The following INPP4B variants were observed in gnomAD, a reference collection of about 807,000 sequenced individuals.
The protein encoded by INPP4B is inositol polyphosphate 4-phosphatase type II.
INPP4B carries 55 observed loss-of-function variants against 122.5 expected under a neutral mutation model. That is an observed-to-expected ratio of 0.45 (90% CI 0.36 to 0.56). The LOEUF is 0.56. INPP4B is among the 20% of genes least tolerant of loss of function. The pLI, the probability that INPP4B is intolerant of heterozygous loss-of-function variation, is 0.00. For synonymous variants in INPP4B, 403 were observed against 388.7 expected, an observed-to-expected ratio of 1.04 and a Z score of -0.43; for missense variants, 1,000 against 1,097.7, an observed-to-expected ratio of 0.91 and a Z score of 1.26.
chr4:142,081,995 C>T (rs1045248822), intron 25 of INPP4B, 36 bp downstream of exon 25: 5 of 1,267,352 alleles, frequency 3.9e-6, no homozygotes, highest in East Asian at 2.7e-5. Context: ...TCAAAATGAC[C>T]TTAAAAGAAA....
chr4:142,321,310 A>G (rs761635134), intron 7 of INPP4B, among the ~76,000 whole-genome samples: 1 of 151,976 alleles, frequency 6.6e-6, no homozygotes, highest in Non-Finnish European at 1.5e-5. Flanking sequence ...TTTTGATGGA[A>G]TTATTTGCTT....
intron 2 of INPP4B, among the ~76,000 whole-genome samples, chr4:142,629,578 C>A (rs774430685): frequency 6.6e-6 from 1 of 151,774 alleles, no homozygotes; most frequent in Non-Finnish European, 1.5e-5. Context: ...TGGGTCTTTA[C>A]AATATTTAGG....
intron 18 of INPP4B, among the ~76,000 whole-genome samples, chr4:142,137,951 G>A (rs1469385085): frequency 3.9e-5 from 6 of 152,102 alleles, no homozygotes; most frequent in Non-Finnish European, 8.8e-5. Flanking sequence ...CTGTAAACTA[G>A]TTCAACCATT....
intron 2 of INPP4B, among the ~76,000 whole-genome samples, chr4:142,615,897 G>T (rs1743586249): frequency 1.3e-5 from 2 of 152,104 alleles, no homozygotes; most frequent in Middle Eastern, 3.4e-3. Flanking sequence ...ACTGACAAAA[G>T]CCATATTAAT....
intron 2 of INPP4B, among the ~76,000 whole-genome samples, chr4:142,475,707 G>A (rs1819681796): frequency 6.6e-6 from 1 of 152,126 alleles, no homozygotes; most frequent in Non-Finnish European, 1.5e-5. Context: ...ACAATTGCAA[G>A]TATTAACAGC....
chr4:142,801,067 C>T (rs112515467), intron 1 of INPP4B, among the ~76,000 whole-genome samples: 14 of 151,402 alleles, frequency 9.2e-5, no homozygotes, highest in African/African-American at 3.4e-4. Context: ...GATCAAAGGG[C>T]CTTACATAGC....
intron 2 of INPP4B, among the ~76,000 whole-genome samples, chr4:142,604,288 G>T (rs2150311278): frequency 6.6e-6 from 1 of 152,114 alleles, no homozygotes; most frequent in Non-Finnish European, 1.5e-5. Flanking sequence ...AATGGAAAAA[G>T]TTGAAAGCTT....
At chr4:142,393,446 T>C (rs907932203) in intron 7 of INPP4B, among the ~76,000 whole-genome samples, 2 of 152,218 alleles carry the variant, frequency 1.3e-5, no homozygotes, top group Non-Finnish European at 2.9e-5. Context: ...AGGTACCCTC[T>C]ATTCAAGTCC....
At chr4:142,778,256 T>G (rs1184108569) in intron 1 of INPP4B, among the ~76,000 whole-genome samples, 1 of 152,170 alleles carries the variant, frequency 6.6e-6, no homozygotes, top group African/African-American at 2.4e-5. Flanking sequence ...CCTTTCAGTC[T>G]TTGCTTTTTA....
At chr4:142,208,301 T>A in intron 14 of INPP4B, 124 bp downstream of exon 14, 1 of 464,438 alleles carries the variant, frequency 2.2e-6, no homozygotes, top group Non-Finnish European at 3.8e-6. Flanking sequence ...ATTATGAGGT[T>A]CAACTGTTTC....
intron 1 of INPP4B, among the ~76,000 whole-genome samples, chr4:142,797,493 C>T (rs1232163013): frequency 6.6e-6 from 1 of 151,804 alleles, no homozygotes; most frequent in Non-Finnish European, 1.5e-5. Context: ...AGAGAAAAGA[C>T]ATAAAATATC....
intron 25 of INPP4B, among the ~76,000 whole-genome samples, chr4:142,066,636 T>C (rs1763642375): frequency 6.6e-6 from 1 of 152,182 alleles, no homozygotes; most frequent in South Asian, 2.1e-4. Flanking sequence ...ATAATGTGCT[T>C]TTCCAATGGT....
At chr4:142,473,476 C>T (rs573622973) in intron 2 of INPP4B, 1 of 152,698 alleles carries the variant, frequency 6.5e-6, no homozygotes, top group Non-Finnish European at 1.5e-5. Flanking sequence ...CTTTGGCCCA[C>T]TCCACGGCCC....
intron 21 of INPP4B, among the ~76,000 whole-genome samples, chr4:142,113,367 T>C (rs1453631246): frequency 6.6e-6 from 1 of 152,006 alleles, no homozygotes; most frequent in Non-Finnish European, 1.5e-5. Flanking sequence ...ACAGTGTGAA[T>C]TGAATATAGA....
chr4:142,145,757 CTCT>C, intron 18 of INPP4B, 80 bp downstream of exon 18: 1 of 1,377,388 alleles, frequency 7.3e-7, no homozygotes, highest in Non-Finnish European at 1.0e-6. Flanking sequence ...CTATTGACTC[CTCT>C]TCTTCTATAT....
intron 7 of INPP4B, among the ~76,000 whole-genome samples, chr4:142,364,426 T>C (rs1220691502): frequency 1.3e-5 from 2 of 152,058 alleles, no homozygotes; most frequent in East Asian, 3.9e-4. Context: ...ACCCTTTGTC[T>C]AACACGCTAA....
chr4:142,657,703 G>A (rs902675350), intron 2 of INPP4B, among the ~76,000 whole-genome samples: 1 of 152,142 alleles, frequency 6.6e-6, no homozygotes. Context: ...TTCAGAAGAG[G>A]TTCTTTGTGT....
At chr4:142,700,159 A>C (rs945710783) in intron 2 of INPP4B, among the ~76,000 whole-genome samples, 1 of 151,992 alleles carries the variant, frequency 6.6e-6, no homozygotes, top group Non-Finnish European at 1.5e-5. Flanking sequence ...GGGACTCATC[A>C]CTTTATCAAA....
chr4:142,834,271 G>A (rs1177635133), intron 1 of INPP4B, among the ~76,000 whole-genome samples: 1 of 152,166 alleles, frequency 6.6e-6, no homozygotes, highest in Non-Finnish European at 1.5e-5. Context: ...AATGAATCCA[G>A]ATTTTGTAAC....
Sources: allele counts gnomAD v4.1 joint callset (sites outside exome capture counted in the v4.1 genomes callset), GRCh38; gene constraint gnomAD v4.1.1; transcripts MANE v1.5; gene names NCBI Gene and HGNC (gene_info 2026-07-23, HGNC 2026-07-21).